VPS13C: variants seen among roughly 807,000 people sequenced by gnomAD.
VPS13C encodes the protein intermembrane lipid transfer protein VPS13C.
A neutral mutation model predicts 456.8 loss-of-function variants in VPS13C; 358 were observed. The observed-to-expected ratio is 0.78, with a 90% confidence interval of 0.72 to 0.86. The LOEUF (loss-of-function observed/expected upper bound fraction) is 0.86, where lower values mean the gene tolerates loss of function less well. Ranked by LOEUF, VPS13C falls within the 40% of genes least tolerant of loss-of-function variation. The probability of loss-of-function intolerance (pLI) is 0.00; values close to 1 mark genes in which losing one functional copy is unlikely to be tolerated. For synonymous variants in VPS13C, 1,578 were observed against 1,486.7 expected (o/e 1.06, Z -1.41); for missense variants, 4,818 against 4,385.4 (o/e 1.10, Z -2.79).
chr15:61,928,534 C>T (rs1661535492), intron 51 of VPS13C, among the ~76,000 whole-genome samples: 1 of 152,080 alleles, frequency 6.6e-6, no homozygotes, highest in African/African-American at 2.4e-5. Context: ...GTTTTCCAAT[C>T]TAGGTTATAC....
At chr15:61,923,081 T>C (rs1189361295) in intron 53 of VPS13C, among the ~76,000 whole-genome samples, 1 of 152,086 alleles carries the variant, frequency 6.6e-6, no homozygotes, top group Non-Finnish European at 1.5e-5. Context: ...CAAAACAGTG[T>C]TATGTGAATA....
chr15:61,967,015 A>T (rs1363118893), intron 29 of VPS13C, among the ~76,000 whole-genome samples: 1 of 152,030 alleles, frequency 6.6e-6, no homozygotes, highest in African/African-American at 2.4e-5. Flanking sequence ...TTGTCTTCTG[A>T]ACCCAATTTA....
At chr15:61,936,097 T>C (rs1337709966) in intron 48 of VPS13C, among the ~76,000 whole-genome samples, 4 of 152,180 alleles carry the variant, frequency 2.6e-5, no homozygotes, top group Non-Finnish European at 5.9e-5. Context: ...TAAAAATGGC[T>C]GAATTCAAAA....
chr15:61,892,047 G>A (rs1032873622), intron 66 of VPS13C, among the ~76,000 whole-genome samples: 2 of 152,204 alleles, frequency 1.3e-5, no homozygotes, highest in Non-Finnish European at 2.9e-5. Context: ...TGGATAAAGT[G>A]AGATCAAAGC....
At chr15:61,924,841 C>G (rs2043791399) in intron 53 of VPS13C, among the ~76,000 whole-genome samples, 1 of 152,116 alleles carries the variant, frequency 6.6e-6, no homozygotes, top group South Asian at 2.1e-4. Context: ...ATTTTTGTAT[C>G]CTTTGTGCAA....
chr15:61,927,288 C>A lies in VPS13C; in HGVS notation c.6319G>T (p.Ala2107Ser), dbSNP rs778868149. The A allele has an allele frequency of 2.5e-6, 4 of 1,614,074 alleles. No homozygotes were observed. Among genetic ancestry groups the A allele is most frequent in the Non-Finnish European group, 3.4e-6 (4 of 1,180,000 alleles). Reference sequence around the variant, plus strand: ...ACCACTTCTGGATCTGTGATCATGGCCTTTAAAGTCATATTTGGTCTAACA... The same window carrying A: ...ACCACTTCTGGATCTGTGATCATGGACTTTAAAGTCATATTTGGTCTAACA... Reference protein sequence around the residue: ...DSVRPNMTLKAMITDPEVVFV... With the variant: ...DSVRPNMTLKSMITDPEVVFV... The change falls in exon 52 of 85, where the codon GCC becomes TCC. Residue 2107 changes from alanine to serine, a missense_variant. Physicochemically the swap from Ala to Ser is moderately conservative, Grantham distance 99. Around this residue, in one of 3 missense-constraint regions of VPS13C, gnomAD observed 4,552 missense variants for 4,130.6 expected, o/e 1.10. Coordinates refer to ENST00000644861, the MANE Select transcript of VPS13C (RefSeq NM_020821.3).
chr15:62,053,788 A>G (rs749374135), intron 1 of VPS13C, among the ~76,000 whole-genome samples: 1 of 152,230 alleles, frequency 6.6e-6, no homozygotes, highest in Non-Finnish European at 1.5e-5. Flanking sequence ...CACTGCTCCA[A>G]CAATATCTGG....
intron 63 of VPS13C, among the ~76,000 whole-genome samples, chr15:61,910,889 C>T (rs574181410): frequency 3.3e-5 from 5 of 152,062 alleles, no homozygotes; most frequent in South Asian, 2.1e-4. Context: ...TAAGTAAATT[C>T]TATTTCTGAA....
chr15:61,936,576 G>GT (rs1317038606), intron 48 of VPS13C, 21 bp downstream of exon 48: 1 of 1,508,696 alleles, frequency 6.6e-7, no homozygotes, highest in Admixed American at 2.3e-5. Context: ...TCTCCATAAA[G>GT]TAAATATCAT....
intron 66 of VPS13C, among the ~76,000 whole-genome samples, chr15:61,899,817 G>A (rs963644525): frequency 2.0e-5 from 3 of 151,784 alleles, no homozygotes; most frequent in African/African-American, 7.3e-5. Context: ...CAAAAAAGAG[G>A]ATTTTAGACC....
Position 61,940,759 on chromosome 15 carries a change from A to T in VPS13C, c.5489T>A (p.Ile1830Asn). The T allele has an allele frequency of 6.2e-7, 1 of 1,613,574 alleles. No individual in the cohort carries two copies. Among genetic ancestry groups the T allele is most frequent in the Non-Finnish European group, 8.5e-7 (1 of 1,179,730 alleles). The change falls in exon 47 of 85, where the codon ATT becomes AAT. Residue 1830 changes from isoleucine (I) to asparagine (N), a missense_variant. Ile to Asn is a moderately radical substitution (Grantham distance 149). Transcript: ENST00000644861. ...CATGTTGACTGGTTTTAAAATTTCA[A>T]TGTCATTTTGTGGCAAGCTAGCCTG... ...ILQASLPQND[I>N]EILKPVNMLL...
At chr15:61,904,287 G>A (rs1458501794) in intron 66 of VPS13C, among the ~76,000 whole-genome samples, 1 of 141,744 alleles carries the variant, frequency 7.1e-6, no homozygotes, top group Non-Finnish European at 1.5e-5. Context: ...CAAGCTTGGT[G>A]GAGTGTTTTG....
intron 1 of VPS13C, among the ~76,000 whole-genome samples, chr15:62,051,767 G>A (rs2140782732): frequency 6.6e-6 from 1 of 152,218 alleles, no homozygotes; most frequent in Non-Finnish European, 1.5e-5. Context: ...GAGTCAAGGG[G>A]GTTATGTTCA....
At chr15:61,921,734 G>A (rs7164933) in intron 55 of VPS13C, among the ~76,000 whole-genome samples, 78,386 of 151,880 alleles carry the variant, frequency 0.52, 20,468 homozygotes, top group Admixed American at 0.61. Flanking sequence ...ATCTGTTGCA[G>A]TATCACCTTC....
intron 63 of VPS13C, 73 bp from the exon 64 acceptor site, chr15:61,910,378 A>AT: frequency 8.5e-7 from 1 of 1,178,946 alleles, no homozygotes; most frequent in Non-Finnish European, 1.1e-6. Flanking sequence ...ACCTAATTAA[A>AT]TTTTCAATTC....
intron 53 of VPS13C, 63 bp downstream of exon 53, chr15:61,925,393 C>A (rs943445498): frequency 1.0e-6 from 1 of 965,440 alleles, no homozygotes. Context: ...GTCTCAACTG[C>A]AAATATGCAA....
chr15:61,963,136 T>C (rs2045266925), intron 32 of VPS13C, among the ~76,000 whole-genome samples: 1 of 152,088 alleles, frequency 6.6e-6, no homozygotes, highest in Admixed American at 6.5e-5. Context: ...ATACCTTATA[T>C]CCAGTCATTT....
chr15:61,954,646 A>T (rs2044924393), intron 37 of VPS13C, 92 bp from the exon 38 acceptor site: 1 of 1,316,832 alleles, frequency 7.6e-7, no homozygotes, highest in Non-Finnish European at 1.0e-6. Flanking sequence ...TGGACCTGGT[A>T]GAGGCAATGA....
At chr15:62,013,793 A>G in intron 10 of VPS13C, 140 bp downstream of exon 10, 2 of 563,940 alleles carry the variant, frequency 3.5e-6, no homozygotes, top group Non-Finnish European at 6.4e-6. Context: ...AGGGTCACAT[A>G]GTAAGTAGCA....
Sources: gnomAD v4.1 joint callset for allele counts (sites outside exome capture counted in the v4.1 genomes callset) on GRCh38, gnomAD v4.1.1 for gene constraint, gnomAD v4.1.1 regional missense constraint, MANE v1.5 for transcripts, NCBI Gene and HGNC (gene_info 2026-07-23, HGNC 2026-07-21) for gene names.